FAT4: variants seen among roughly 807,000 people sequenced by gnomAD.
FAT4 encodes the protein FAT atypical cadherin 4, also known as protocadherin Fat 4.
In FAT4, 84 loss-of-function variants were observed where a neutral mutation model predicts 303.9. The ratio of observed to expected loss-of-function variants is 0.28; its 90% CI spans 0.23 to 0.33. FAT4 has a LOEUF of 0.33. FAT4 is among the 10% of genes least tolerant of loss of function. The pLI, the probability that FAT4 is intolerant of heterozygous loss-of-function variation, is 1.00. For missense variants in FAT4, 6,005 were observed against 6,146.8 expected, an observed-to-expected ratio of 0.98 and a Z score of 0.77; for synonymous variants, 2,307 against 2,298.8, an observed-to-expected ratio of 1.00 and a Z score of -0.10.
Position 125,448,990 on chromosome 4 carries a change from A to C in FAT4, c.7980A>C (p.Thr2660=), listed in dbSNP as rs1725932965. Residue 2660 remains threonine (T), a synonymous_variant, in exon 10 of 18, where the codon ACA becomes ACC. Transcript: ENST00000394329. ...PFSSYEKLDI[T]VLDVNDNAPI... ...CCTCTTACGAGAAACTTGATATAAC[A>C]GTATTAGATGTCAATGATAATGCCC... The C allele has an allele frequency of 6.2e-7, 1 of 1,613,812 alleles. No individual in the cohort carries two copies. Among genetic ancestry groups the C allele is most frequent in the Admixed American group, 1.7e-5 (1 of 59,980 alleles).
At chr4:125,444,926 G>A (rs1006594331) in intron 8 of FAT4, among the ~76,000 whole-genome samples, 12 of 152,084 alleles carry the variant, frequency 7.9e-5, no homozygotes, top group African/African-American at 2.9e-4. Context: ...TGTGAGTCCT[G>A]AATTTTCAAG....
Position 125,481,675 on chromosome 4 carries a change from G to T in FAT4, c.12759G>T (p.Arg4253Ser). 1.2e-6 allele frequency: 2 copies of T among 1,613,968 alleles called. No individual in the cohort carries two copies. The highest frequency in any genetic ancestry group is 1.7e-6 in the Non-Finnish European group (2 of 1,179,936). The change falls in exon 16 of 18, where the codon AGG (arginine) becomes AGT (serine). Residue 4253 changes from arginine to serine, a missense_variant. Transcript: ENST00000394329. ...FGVNSLEVKF[R>S]TRSENGVLIH... is the part of the protein sequence containing the mutation. Reference sequence around the variant, plus strand: ...TGAACAGTCTGGAAGTAAAATTTAGGACCAGAAGCGAGAATGGCGTTTTAA... The same window carrying T: ...TGAACAGTCTGGAAGTAAAATTTAGTACCAGAAGCGAGAATGGCGTTTTAA...
chr4:125,488,622 CAAGAGAGGA>C (rs1727493588), intron 17 of FAT4, among the ~76,000 whole-genome samples: 1 of 152,130 alleles, frequency 6.6e-6, no homozygotes, highest in Non-Finnish European at 1.5e-5. Context: ...GGTAGGTCAG[CAAGAGAGGA>C]AACTGCAGAA....
chr4:125,350,665 A>C (rs561588281), intron 2 of FAT4, among the ~76,000 whole-genome samples: 2 of 151,840 alleles, frequency 1.3e-5, no homozygotes, highest in Non-Finnish European at 3.0e-5. Context: ...GCTGGCCTCC[A>C]GGAAGGCTTG....
Position 125,318,361 on chromosome 4 carries a change from A to G in FAT4, c.1950A>G (p.Glu650=), listed in dbSNP as rs937054782. The change falls in exon 2 of 18, where the codon GAA becomes GAG. Residue 650 remains glutamate (E), a synonymous_variant. Coordinates refer to ENST00000394329, the MANE Select transcript of FAT4 (RefSeq NM_001291303.3). Reference sequence around the variant, plus strand: ...GTACTATTTCCTCCTTGGACAGAGAAGAGCAAGCCTTCTACTCCCTGTTGG... The same window carrying G: ...GTACTATTTCCTCCTTGGACAGAGAGGAGCAAGCCTTCTACTCCCTGTTGG... ...RLSTISSLDR[E]EQAFYSLLVL... 4.3e-6 allele frequency: 7 copies of G among 1,614,080 alleles called. No homozygotes were observed. The highest frequency in any genetic ancestry group is 5.9e-6 in the Non-Finnish European group (7 of 1,180,046).
intron 8 of FAT4, among the ~76,000 whole-genome samples, chr4:125,444,107 T>C (rs927341586): frequency 1.3e-5 from 2 of 152,192 alleles, no homozygotes; most frequent in Admixed American, 1.3e-4. Flanking sequence ...GGCAATAGCA[T>C]GTGCAATAGC....
chr4:125,376,785 T>A (rs1248726023), intron 2 of FAT4, among the ~76,000 whole-genome samples: 1 of 151,964 alleles, frequency 6.6e-6, no homozygotes, highest in Non-Finnish European at 1.5e-5. Flanking sequence ...TGCAATGGGC[T>A]GAGGCAGGAG....
At chr4:125,474,626 G>A (rs1033989622) in intron 12 of FAT4, among the ~76,000 whole-genome samples, 1 of 151,806 alleles carries the variant, frequency 6.6e-6, no homozygotes, top group Non-Finnish European at 1.5e-5. Context: ...TTAAGAATAT[G>A]TTAGCCAGTA....
chr4:125,481,292 A>G (rs1047883337), intron 15 of FAT4, among the ~76,000 whole-genome samples: 1 of 152,210 alleles, frequency 6.6e-6, no homozygotes, highest in African/African-American at 2.4e-5. Flanking sequence ...ATGGTTAATG[A>G]CTGTCATAGA....
chr4:125,392,700 C>T (rs1269800724), intron 2 of FAT4, among the ~76,000 whole-genome samples: 4 of 152,018 alleles, frequency 2.6e-5, no homozygotes, highest in Non-Finnish European at 4.4e-5. Flanking sequence ...ATAAAAGAAC[C>T]TAAAAATAGG....
intron 10 of FAT4, among the ~76,000 whole-genome samples, chr4:125,453,990 A>G (rs969650292): frequency 3.2e-4 from 49 of 152,316 alleles, no homozygotes; most frequent in African/African-American, 1.2e-3. Context: ...TTCAAATGTG[A>G]ATAAATGTTA....
chr4:125,487,323 C>A, intron 16 of FAT4, 22 bp from the exon 17 acceptor site: 2 of 1,584,620 alleles, frequency 1.3e-6, no homozygotes, highest in East Asian at 2.3e-5. Context: ...TAATTGCATA[C>A]TATTTTTAAT....
chr4:125,383,187 T>C (rs1430967608), intron 2 of FAT4, among the ~76,000 whole-genome samples: 2 of 152,210 alleles, frequency 1.3e-5, no homozygotes, highest in Non-Finnish European at 2.9e-5. Context: ...ACCTAGCTTT[T>C]GATTTACCTT....
intron 2 of FAT4, among the ~76,000 whole-genome samples, chr4:125,380,340 T>C (rs1733493982): frequency 1.3e-5 from 2 of 152,156 alleles, no homozygotes; most frequent in South Asian, 2.1e-4. Context: ...TTTGTCAAAA[T>C]AAAAAGGCTA....
intron 2 of FAT4, among the ~76,000 whole-genome samples, chr4:125,353,673 A>G (rs751058660): frequency 5.3e-5 from 8 of 151,670 alleles, no homozygotes; most frequent in Non-Finnish European, 1.2e-4. Flanking sequence ...AGTAGAAACT[A>G]TCAGTGCTGG....
chr4:125,355,725 TC>T (rs113928985), intron 2 of FAT4, among the ~76,000 whole-genome samples: 2 of 151,904 alleles, frequency 1.3e-5, no homozygotes, highest in Non-Finnish European at 2.9e-5. Flanking sequence ...TTCTTTTTTT[TC>T]CTCCAATAAT....
intron 5 of FAT4, among the ~76,000 whole-genome samples, chr4:125,409,730 CCTTT>C (rs1734771738): frequency 6.6e-6 from 1 of 152,150 alleles, no homozygotes; most frequent in Non-Finnish European, 1.5e-5. Context: ...ACTCCTTTGG[CCTTT>C]CTTCTAACAC....
chr4:125,427,369 A>G (rs1725119277), intron 7 of FAT4, among the ~76,000 whole-genome samples: 1 of 151,912 alleles, frequency 6.6e-6, no homozygotes, highest in East Asian at 1.9e-4. Flanking sequence ...TTAGTATGTA[A>G]TTTATCTTAA....
chr4:125,487,515 C>T lies in FAT4; in HGVS notation c.12993C>T (p.Ile4331=). 2 of 1,613,932 alleles carry T rather than the reference C, an allele frequency of 1.2e-6. No homozygotes were observed. Among genetic ancestry groups the T allele is most frequent in the African/African-American group, 2.7e-5 (2 of 75,006 alleles). Residue 4331 remains isoleucine, a synonymous_variant, in exon 17 of 18, where the codon ATC becomes ATT. Coordinates refer to ENST00000394329, the MANE Select transcript of FAT4 (RefSeq NM_001291303.3). ...ACAGAATATATAACAGAGATATTAT[C>T]CACCCTACTCAGGACTTCGGTGGCC... ...SVDRIYNRDI[I]HPTQDFGGLD...
Sources: gnomAD v4.1 joint callset for allele counts (sites outside exome capture counted in the v4.1 genomes callset) on GRCh38, gnomAD v4.1.1 for gene constraint, MANE v1.5 for transcripts, NCBI Gene and HGNC (gene_info 2026-07-23, HGNC 2026-07-21) for gene names.